Variants in STK32A observed in about 807,000 individuals in gnomAD.
STK32A encodes serine/threonine-protein kinase 32A.
In STK32A, 41 loss-of-function variants were observed where a neutral mutation model predicts 53.2. The observed-to-expected ratio is 0.77, with a 90% CI of 0.60 to 1.00. The LOEUF is 1.00. STK32A is among the 50% of genes least tolerant of loss of function. The pLI is 0.00. For synonymous variants in STK32A, 166 were observed against 162.8 expected (o/e 1.02, Z -0.15); for missense variants, 458 against 485.8 (o/e 0.94, Z 0.54).
chr5:147,292,451 T>A (rs1051564702), intron 4 of STK32A, among the ~76,000 whole-genome samples: 1 of 152,206 alleles, frequency 6.6e-6, no homozygotes. Flanking sequence ...TGTTTCAATT[T>A]TGCTCATAAA....
chr5:147,370,537 G>A, intron 8 of STK32A, 117 bp from the exon 9 acceptor site: 2 of 598,986 alleles, frequency 3.3e-6, no homozygotes, highest in Non-Finnish European at 2.9e-6. Context: ...AGCTGGACAG[G>A]GTTAGAAATT....
intron 4 of STK32A, among the ~76,000 whole-genome samples, chr5:147,302,946 A>G (rs1029703276): frequency 6.6e-6 from 1 of 152,168 alleles, no homozygotes; most frequent in Non-Finnish European, 1.5e-5. Context: ...TTCCCAGTAC[A>G]TGTTATTTGG....
chr5:147,296,794 G>A (rs762812903), intron 4 of STK32A, among the ~76,000 whole-genome samples: 3 of 152,128 alleles, frequency 2.0e-5, no homozygotes, highest in African/African-American at 4.8e-5. Context: ...GGTGGAGGTT[G>A]GGGGTGATCT....
chr5:147,250,290 G>A (rs1438375395), intron 2 of STK32A, among the ~76,000 whole-genome samples: 1 of 152,128 alleles, frequency 6.6e-6, no homozygotes, highest in Non-Finnish European at 1.5e-5. Flanking sequence ...ATCCAGCAAT[G>A]AGTGGAAACA....
chr5:147,340,160 A>G (rs938180976), intron 5 of STK32A, among the ~76,000 whole-genome samples: 6 of 152,144 alleles, frequency 3.9e-5, no homozygotes, highest in Non-Finnish European at 7.3e-5. Flanking sequence ...CACTTTTGTC[A>G]CCATCTTGGT....
chr5:147,296,075 T>C (rs2151963736), intron 4 of STK32A, among the ~76,000 whole-genome samples: 1 of 152,340 alleles, frequency 6.6e-6, no homozygotes, highest in Non-Finnish European at 1.5e-5. Context: ...TTTATCAATG[T>C]AAATTTCAAT....
intron 2 of STK32A, chr5:147,239,994 G>A (rs1024668121): frequency 5.9e-5 from 17 of 286,816 alleles, no homozygotes; most frequent in African/African-American, 3.3e-4. Flanking sequence ...CTTGGCAGTT[G>A]AAGTTACCCC....
In STK32A at chr5:147,386,379, G is replaced by C. The variant is rs1001716173; in HGVS notation, c.*2396G>C. The C allele has an allele frequency of 5.3e-5, 8 of 152,166 alleles. No individual in the cohort carries two copies. Among genetic ancestry groups the C allele is most frequent in the Non-Finnish European group, 1.0e-4 (7 of 68,038 alleles). 9.4% of individuals were successfully genotyped at this position (152,166 alleles called of 1,614,324 possible). On this transcript the variant is annotated 3_prime_UTR_variant, in exon 13 of 13. Transcript: ENST00000397936. ...CATTTGTTTTGATTCAAGCCTTTAT[G>C]TGCTGTGGACTCACCTCCCTAAGTA...
chr5:147,357,600 AG>A (rs1180818153), intron 7 of STK32A, among the ~76,000 whole-genome samples: 1 of 152,032 alleles, frequency 6.6e-6, no homozygotes, highest in Non-Finnish European at 1.5e-5. Context: ...TGACATGAAA[AG>A]CTTGCTAAAA....
intron 2 of STK32A, among the ~76,000 whole-genome samples, chr5:147,261,241 T>A (rs1417224380): frequency 6.6e-6 from 1 of 152,208 alleles, no homozygotes; most frequent in Non-Finnish European, 1.5e-5. Flanking sequence ...AGCACTCGAA[T>A]ATAAAATTTT....
chr5:147,374,320 G>A (rs1004380694), intron 10 of STK32A, among the ~76,000 whole-genome samples: 2 of 151,748 alleles, frequency 1.3e-5, no homozygotes, highest in African/African-American at 2.4e-5. Flanking sequence ...AAGCCCATAT[G>A]AGGCATTTGC....
rs780298418 is a variant in STK32A, at chr5:147,314,740, CTTT to C, written c.261-9145_261-9143del. Among the ~76,000 whole-genome samples, 44 of 136,010 alleles carry C rather than the reference CTTT, an allele frequency of 3.2e-4. 1 individual carries two copies. Among genetic ancestry groups the C allele is most frequent in the Non-Finnish European group, 6.1e-4 (39 of 63,464 alleles). 89.2% of individuals were successfully genotyped at this position (136,010 alleles called of 152,430 possible). On this transcript the variant is annotated intron_variant, in intron 4 of 12. Transcript: ENST00000397936. ...ATTTCATACCTATTGCTTTCTTTTT[CTTT>C]TTTTTTTTTTTTGAGACAGAATCTT...
At chr5:147,326,679 G>T (rs10074141) in intron 5 of STK32A, among the ~76,000 whole-genome samples, 1 of 152,228 alleles carries the variant, frequency 6.6e-6, no homozygotes, top group Non-Finnish European at 1.5e-5. Context: ...TTCAAATATA[G>T]GACATTAAAT....
At chr5:147,342,895 G>A (rs1755498235) in intron 5 of STK32A, 111 bp from the exon 6 acceptor site, 1 of 860,756 alleles carries the variant, frequency 1.2e-6, no homozygotes, top group South Asian at 1.5e-5. Context: ...GTATTGAGAA[G>A]CTAGTACACT....
chr5:147,353,837 TG>T (rs1386062397), intron 7 of STK32A, among the ~76,000 whole-genome samples: 2 of 152,062 alleles, frequency 1.3e-5, no homozygotes, highest in Admixed American at 1.3e-4. Flanking sequence ...TTAAAGCAGG[TG>T]ATGTGGTGAT....
Position 147,251,982 on chromosome 5 carries a change from C to T in STK32A, c.52+12296C>T, listed in dbSNP as rs577083215. On this transcript the variant is annotated intron_variant, in intron 2 of 12. Coordinates refer to ENST00000397936, the MANE Select transcript of STK32A (RefSeq NM_001112724.2). ...CTTTGGGAGGCTGAGGCAGGTGGAT[C>T]GCTGGAGCCCAGGAGTTCACAACCA... Among the ~76,000 whole-genome samples the T allele has an allele frequency of 7.2e-5, 11 of 152,162 alleles. No homozygotes were observed. In the South Asian group the frequency reaches 1.7e-3, roughly 23 times the overall value.
At position 147,279,418 on chromosome 5, in the gene STK32A, CT is replaced by C. The variant is rs749902346; in HGVS notation, c.260+21del. ...TTTGTGGTGAGTAATTTTACTGGAC[CT>C]CTGAATAGAGACACTCCTGTTATCG... is the stretch of plus-strand genomic sequence containing the variant. On this transcript the variant is annotated intron_variant, in intron 4 of 12. Coordinates refer to ENST00000397936, the MANE Select transcript of STK32A (RefSeq NM_001112724.2). 1 of 1,554,128 alleles carries C rather than the reference CT, an allele frequency of 6.4e-7. No homozygotes were observed. Among genetic ancestry groups the C allele is most frequent in the East Asian group, 2.4e-5 (1 of 41,290 alleles).
intron 4 of STK32A, among the ~76,000 whole-genome samples, chr5:147,297,666 G>A (rs1481756840): frequency 1.3e-5 from 2 of 152,058 alleles, no homozygotes; most frequent in Non-Finnish European, 2.9e-5. Flanking sequence ...AGTCCAGCAG[G>A]GCATTTGAAG....
downstream of STK32A, among the ~76,000 whole-genome samples, chr5:147,390,329 C>T (rs991132494): frequency 2.6e-5 from 4 of 152,044 alleles, no homozygotes; most frequent in Admixed American, 2.6e-4. Context: ...ATAATGCTTC[C>T]GTACACTGAT....
Sources: gnomAD v4.1 joint callset for allele counts (sites outside exome capture counted in the v4.1 genomes callset) on GRCh38, gnomAD v4.1.1 for gene constraint, MANE v1.5 for transcripts, NCBI Gene and HGNC (gene_info 2026-07-23, HGNC 2026-07-21) for gene names.